SMC6: variants seen among roughly 807,000 people sequenced by gnomAD.
SMC6 encodes structural maintenance of chromosomes 6.
SMC6 carries 79 observed loss-of-function variants against 142.2 expected under a neutral mutation model. The observed-to-expected ratio is 0.56, with a 90% CI of 0.46 to 0.67. The LOEUF is 0.67. Among genes scored for constraint, SMC6 ranks in the 30% least tolerant of loss-of-function variants. SMC6 has a pLI of 0.00. For synonymous variants in SMC6, 411 were observed against 412.4 expected (o/e 1.00, Z 0.04); for missense variants, 1,072 against 1,284.0 (o/e 0.83, Z 2.52).
At position 17,695,196 on chromosome 2, in the gene SMC6, T is replaced by G; in HGVS notation, c.2634A>C (p.Ile878=). 6.2e-7 allele frequency: 1 copy of G among 1,613,724 alleles called. No individual in the cohort carries two copies. The highest frequency in any genetic ancestry group is 2.2e-5 in the East Asian group (1 of 44,794). ...DKEINRLRQK[I]QAEHASHGDR... is the part of the protein sequence containing the mutation. ...CTCCATGACTAGCATGTTCTGCCTG[T>G]ATCTTCTGCCTTAATCGATTAATTT... The change falls in exon 23 of 28, where the codon ATA becomes ATC. Residue 878 remains isoleucine (I), a synonymous_variant. Transcript: ENST00000448223.
At position 17,741,669 on chromosome 2, in the gene SMC6, T is replaced by C. The variant is rs758391832; in HGVS notation, c.181A>G (p.Met61Val). 47 of 1,612,416 alleles carry C rather than the reference T, an allele frequency of 2.9e-5. No homozygotes were observed. The highest frequency in any genetic ancestry group is 3.6e-5 in the Non-Finnish European group (42 of 1,179,466). Residue 61 changes from methionine to valine, a missense_variant, in exon 4 of 28, where the codon ATG (methionine) becomes GTG (valine). By Grantham distance (21) the Met-to-Val change is conservative (BLOSUM62 1). Coordinates refer to ENST00000448223, the MANE Select transcript of SMC6 (RefSeq NM_001142286.2). ...IHLKNFMCHS[M>V]LGPFKFGSNV... ...GAACCAAACTTAAAAGGTCCAAGCATTGAATGACACATGAAGTTTTTTAGG... is the reference window on the plus strand; with the variant it reads ...GAACCAAACTTAAAAGGTCCAAGCACTGAATGACACATGAAGTTTTTTAGG...
chr2:17,714,027 G>C (rs1668955656), intron 16 of SMC6, among the ~76,000 whole-genome samples: 1 of 151,746 alleles, frequency 6.6e-6, no homozygotes, highest in African/African-American at 2.4e-5. Context: ...GTGGAGATGG[G>C]AGAGAAAAGA....
chr2:17,745,458 A>C (rs896666384), intron 3 of SMC6, among the ~76,000 whole-genome samples: 1 of 152,148 alleles, frequency 6.6e-6, no homozygotes, highest in Non-Finnish European at 1.5e-5. Flanking sequence ...CACTTCACCT[A>C]AGTTGTCAAA....
At chr2:17,720,798 G>T in intron 11 of SMC6, 142 bp downstream of exon 11, 2 of 692,530 alleles carry the variant, frequency 2.9e-6, no homozygotes, top group Non-Finnish European at 4.7e-6. Flanking sequence ...AACAAGCTTA[G>T]GTCTATTTCA....
At chr2:17,739,879 A>AACACAC (rs60784309) in intron 4 of SMC6, among the ~76,000 whole-genome samples, 7,417 of 115,404 alleles carry the variant, frequency 0.064, 348 homozygotes, top group East Asian at 0.14. Context: ...GAATATGGTA[A>AACACAC]ACACACACAC....
intron 26 of SMC6, among the ~76,000 whole-genome samples, chr2:17,669,830 C>T (rs1174993054): frequency 6.6e-6 from 1 of 152,108 alleles, no homozygotes; most frequent in Non-Finnish European, 1.5e-5. Flanking sequence ...ATGAAAGACA[C>T]CATTTGAGCC....
chr2:17,688,739 A>G (rs1414611692), intron 23 of SMC6, among the ~76,000 whole-genome samples: 2 of 152,256 alleles, frequency 1.3e-5, no homozygotes, highest in African/African-American at 4.8e-5. Flanking sequence ...CAGTAAATTT[A>G]CTAAATACCA....
intron 5 of SMC6, among the ~76,000 whole-genome samples, chr2:17,734,791 G>T (rs980547889): frequency 6.6e-6 from 1 of 152,082 alleles, no homozygotes; most frequent in Non-Finnish European, 1.5e-5. Flanking sequence ...GAGTGCAGTG[G>T]CATGATCTCG....
At chr2:17,677,595 A>G (rs1411200311) in intron 25 of SMC6, among the ~76,000 whole-genome samples, 1 of 152,208 alleles carries the variant, frequency 6.6e-6, no homozygotes, top group Non-Finnish European at 1.5e-5. Flanking sequence ...TTGCTTAGAC[A>G]GCTTTCCAAT....
chr2:17,670,467 C>A lies in SMC6; in HGVS notation c.3019G>T (p.Ala1007Ser), dbSNP rs761942611. Reference sequence around the variant, plus strand: ...TCCAGGCATCTGAAAGGAGATTCTGCGATGGACCACAGGGAAAGAATAAAA... The same window carrying A: ...TCCAGGCATCTGAAAGGAGATTCTGAGATGGACCACAGGGAAAGAATAAAA... ...VCFILSLWSIAESPFRCLDEF... is the reference protein window; with the variant it reads ...VCFILSLWSISESPFRCLDEF... Residue 1007 changes from alanine (A) to serine (S), a missense_variant, in exon 26 of 28, where the codon GCA (alanine) becomes TCA (serine). Coordinates refer to ENST00000448223, the MANE Select transcript of SMC6 (RefSeq NM_001142286.2). 1.2e-6 allele frequency: 2 copies of A among 1,613,524 alleles called. No homozygotes were observed. Among genetic ancestry groups the A allele is most frequent in the Middle Eastern group, 1.7e-4 (1 of 6,056 alleles).
At chr2:17,685,105 T>TAAATGAGAAAATCAAGCA (rs1284328667) in intron 23 of SMC6, among the ~76,000 whole-genome samples, 1 of 121,858 alleles carries the variant, frequency 8.2e-6, no homozygotes, top group Non-Finnish European at 1.7e-5. Flanking sequence ...ATAAAGAACA[T>TAAATGAGAAAATCAAGCA]AAATGAGAAA....
At chr2:17,678,339 G>A (rs1667090110) in intron 25 of SMC6, among the ~76,000 whole-genome samples, 1 of 152,118 alleles carries the variant, frequency 6.6e-6, no homozygotes, top group Non-Finnish European at 1.5e-5. Flanking sequence ...AGAAAATAAT[G>A]TGTTTGTCTA....
intron 14 of SMC6, 105 bp downstream of exon 14, chr2:17,716,636 T>C: frequency 8.6e-7 from 1 of 1,169,162 alleles, no homozygotes; most frequent in South Asian, 1.6e-5. Context: ...AAAAGATCCC[T>C]TATTATGTAG....
At chr2:17,670,327 G>C in intron 26 of SMC6, 96 bp downstream of exon 26, 1 of 1,276,112 alleles carries the variant, frequency 7.8e-7, no homozygotes, top group East Asian at 2.6e-5. Context: ...GATCTTTCCT[G>C]TTAGGGGTAA....
chr2:17,702,874 T>C (rs1185517736), intron 19 of SMC6, among the ~76,000 whole-genome samples: 1 of 152,238 alleles, frequency 6.6e-6, no homozygotes, highest in East Asian at 1.9e-4. Context: ...CCATTAAACC[T>C]CTTTTTCTTT....
intron 26 of SMC6, 96 bp downstream of exon 26, chr2:17,670,327 G>A: frequency 5.5e-6 from 7 of 1,276,112 alleles, no homozygotes; most frequent in Non-Finnish European, 7.6e-6. Flanking sequence ...GATCTTTCCT[G>A]TTAGGGGTAA....
chr2:17,712,459 A>G (rs1668872438), intron 16 of SMC6, among the ~76,000 whole-genome samples: 1 of 152,182 alleles, frequency 6.6e-6, no homozygotes, highest in Admixed American at 6.5e-5. Context: ...TGGGGGCAAG[A>G]TGTACAAATG....
rs367949906 is a variant in SMC6 at position 17,738,307 on chromosome 2, G to A, written c.258C>T (p.Leu86=). Residue 86 remains leucine (L), a synonymous_variant, in exon 5 of 28, where the codon CTC becomes CTT. Transcript: ENST00000448223. ...GNNGSGKSAV[L]TALIVGLGGR... is the part of the protein sequence containing the mutation. The stretch of plus-strand genomic sequence containing the variant: ...CACCAAGACCGACTATGAGAGCTGT[G>A]AGTACTGCACTCTTCCCACCTAAAG... The A allele has an allele frequency of 3.3e-5, 53 of 1,612,878 alleles. No individual in the cohort carries two copies. Among genetic ancestry groups the A allele is most frequent in the Non-Finnish European group, 4.1e-5 (48 of 1,179,488 alleles).
At chr2:17,666,542 G>A in intron 26 of SMC6, 25 bp from the exon 27 acceptor site, 1 of 1,537,896 alleles carries the variant, frequency 6.5e-7, no homozygotes, top group Non-Finnish European at 9.0e-7. Context: ...CAAAAGTTAG[G>A]ATTGCTATTG....
Sources: allele counts gnomAD v4.1 joint callset (sites outside exome capture counted in the v4.1 genomes callset), GRCh38; gene constraint gnomAD v4.1.1; transcripts MANE v1.5; gene names NCBI Gene and HGNC (gene_info 2026-07-23, HGNC 2026-07-21).